CEP112: variants seen among roughly 807,000 people sequenced by gnomAD.
The protein encoded by CEP112 is centrosomal protein of 112 kDa.
In CEP112, 127 loss-of-function variants were observed where a neutral mutation model predicts 153.0. The ratio of observed to expected loss-of-function variants is 0.83; its 90% CI spans 0.72 to 0.96. The LOEUF (loss-of-function observed/expected upper bound fraction) is 0.96, where lower values mean the gene tolerates loss of function less well. Ranked by LOEUF, CEP112 falls within the 40% of genes least tolerant of loss-of-function variation. The probability of loss-of-function intolerance (pLI) is 0.00; values close to 1 mark genes in which losing one functional copy is unlikely to be tolerated. For missense variants in CEP112, 1,089 were observed against 1,101.2 expected (o/e 0.99, Z 0.16); for synonymous variants, 358 against 374.4 (o/e 0.96, Z 0.51).
At chr17:65,821,538 ATATTTTTTTTTTT>A (rs1461932025) in intron 21 of CEP112, among the ~76,000 whole-genome samples, 2 of 39,140 alleles carry the variant, frequency 5.1e-5, no homozygotes, top group East Asian at 1.3e-3. Flanking sequence ...ATATATATAT[ATATTTTTTTTTTT>A]TTTTTTTTTT....
chr17:65,666,171 A>G (rs886788662), intron 24 of CEP112, among the ~76,000 whole-genome samples: 1 of 152,226 alleles, frequency 6.6e-6, no homozygotes, highest in African/African-American at 2.4e-5. Context: ...GCTCCCTGAC[A>G]CCTGCATGCT....
chr17:65,701,989 C>A (rs1379933324), intron 23 of CEP112, among the ~76,000 whole-genome samples: 1 of 150,526 alleles, frequency 6.6e-6, no homozygotes, highest in Admixed American at 6.7e-5. Context: ...AATTCTCCTG[C>A]CTCAGCCTCC....
chr17:65,965,688 A>T (rs377053237), intron 17 of CEP112, among the ~76,000 whole-genome samples: 10 of 151,770 alleles, frequency 6.6e-5, no homozygotes, highest in African/African-American at 2.4e-4. Flanking sequence ...CCCCTGGCTA[A>T]TTTTTTTCTT....
intron 21 of CEP112, among the ~76,000 whole-genome samples, chr17:65,755,552 T>C (rs906796912): frequency 6.6e-6 from 1 of 151,782 alleles, no homozygotes; most frequent in African/African-American, 2.4e-5. Flanking sequence ...AGCTTTTGTT[T>C]GGGGCAAGAA....
At chr17:66,099,206 A>G (rs1400668991) in intron 6 of CEP112, among the ~76,000 whole-genome samples, 1 of 152,206 alleles carries the variant, frequency 6.6e-6, no homozygotes, top group Admixed American at 6.5e-5. Flanking sequence ...CAAAGAATCA[A>G]AAGAAGACAA....
chr17:65,747,076 A>C (rs2051519284), intron 22 of CEP112, among the ~76,000 whole-genome samples: 1 of 152,156 alleles, frequency 6.6e-6, no homozygotes, highest in African/African-American at 2.4e-5. Context: ...AAAAAAACAA[A>C]AACAGGATCC....
At chr17:65,644,404 A>T (rs2143427014) in intron 24 of CEP112, 6 of 539,464 alleles carry the variant, frequency 1.1e-5, no homozygotes, top group Non-Finnish European at 2.1e-5. Context: ...GCTGGAGATG[A>T]ACTCGGACCT....
chr17:65,904,975 C>CTTAA (rs2060014828), intron 19 of CEP112, among the ~76,000 whole-genome samples: 1 of 152,090 alleles, frequency 6.6e-6, no homozygotes. Flanking sequence ...AAGACTTAAA[C>CTTAA]GTAAGACCTA....
chr17:65,894,078 A>T (rs1361707237), intron 20 of CEP112, among the ~76,000 whole-genome samples: 2 of 152,160 alleles, frequency 1.3e-5, no homozygotes, highest in Non-Finnish European at 2.9e-5. Context: ...ATTAAGGAAG[A>T]AGAGTTATTC....
At chr17:66,130,285 G>A (rs909571052) in intron 5 of CEP112, among the ~76,000 whole-genome samples, 1 of 151,896 alleles carries the variant, frequency 6.6e-6, no homozygotes, top group Non-Finnish European at 1.5e-5. Flanking sequence ...TTTACAAAAA[G>A]TTTTAATTGT....
intron 21 of CEP112, among the ~76,000 whole-genome samples, chr17:65,803,046 C>T (rs1012652438): frequency 6.6e-6 from 1 of 152,224 alleles, no homozygotes; most frequent in Non-Finnish European, 1.5e-5. Context: ...AGGACATGAG[C>T]CATGGAGTAC....
intron 20 of CEP112, among the ~76,000 whole-genome samples, chr17:65,855,662 GC>G (rs1032714147): frequency 3.3e-5 from 5 of 152,146 alleles, no homozygotes; most frequent in African/African-American, 4.8e-5. Flanking sequence ...GGGCTCCCTG[GC>G]CAAAGTAAAT....
intron 22 of CEP112, among the ~76,000 whole-genome samples, chr17:65,746,194 GAA>G (rs1044269605): frequency 8.1e-6 from 1 of 123,894 alleles, no homozygotes; most frequent in Non-Finnish European, 1.7e-5. Flanking sequence ...AAAAAGAAAA[GAA>G]AAGAAAAAAA....
At chr17:65,734,537 T>G (rs2050690248) in intron 23 of CEP112, among the ~76,000 whole-genome samples, 1 of 152,198 alleles carries the variant, frequency 6.6e-6, no homozygotes, top group Non-Finnish European at 1.5e-5. Context: ...TGTGTAAACA[T>G]AAATATAATA....
In CEP112 at chr17:65,937,452, G is replaced by A. The variant is rs528559430; in HGVS notation, c.1873-9763C>T. On this transcript the variant is annotated intron_variant, in intron 18 of 26. Coordinates refer to ENST00000535342, the MANE Select transcript of CEP112 (RefSeq NM_001199165.4). ...CCGCCCCGTCTGGGAGGTGAGGAGC[G>A]TCTCTGCCCGGCCGCCCCGTCTGAG... is the stretch of plus-strand genomic sequence containing the variant. Among the ~76,000 whole-genome samples, 12 of 107,794 alleles carry A rather than the reference G, an allele frequency of 1.1e-4. 1 individual carries two copies. In the South Asian group the frequency reaches 1.5e-3, roughly 14 times the overall value. 70.7% of individuals were successfully genotyped at this position (107,794 alleles called of 152,430 possible).
At chr17:65,932,151 T>C (rs1374230904) in intron 18 of CEP112, among the ~76,000 whole-genome samples, 1 of 152,164 alleles carries the variant, frequency 6.6e-6, no homozygotes, top group African/African-American at 2.4e-5. Context: ...TGACTTCATA[T>C]AACAGGCAGC....
chr17:65,941,791 T>TG (rs1324542944), intron 18 of CEP112, among the ~76,000 whole-genome samples: 86 of 53,282 alleles, frequency 1.6e-3, no homozygotes, highest in Non-Finnish European at 2.2e-3. Context: ...TGTTTTGTTG[T>TG]TTTTTTTTTG....
At chr17:65,846,914 T>C (rs1207268670) in intron 21 of CEP112, among the ~76,000 whole-genome samples, 1 of 152,200 alleles carries the variant, frequency 6.6e-6, no homozygotes, top group Non-Finnish European at 1.5e-5. Flanking sequence ...GAAACAAATA[T>C]TTCCTGCTTT....
At chr17:65,777,429 C>T (rs2053743447) in intron 21 of CEP112, among the ~76,000 whole-genome samples, 1 of 152,188 alleles carries the variant, frequency 6.6e-6, no homozygotes, top group African/African-American at 2.4e-5. Context: ...TTCTGATTTG[C>T]CACCTGCTGA....
Sources: allele counts gnomAD v4.1 joint callset (sites outside exome capture counted in the v4.1 genomes callset), GRCh38; gene constraint gnomAD v4.1.1; transcripts MANE v1.5; gene names NCBI Gene and HGNC (gene_info 2026-07-23, HGNC 2026-07-21).